MAP3K15: variants seen among roughly 807,000 people sequenced by gnomAD.
The protein encoded by MAP3K15 is mitogen-activated protein kinase kinase kinase 15.
A neutral mutation model predicts 99.5 loss-of-function variants in MAP3K15; 124 were observed. That is an observed-to-expected ratio of 1.25 (90% confidence interval 1.08 to 1.45). MAP3K15 has a LOEUF of 1.45. Among genes scored for constraint, MAP3K15 ranks in the 40% most tolerant of loss-of-function variants. The probability of loss-of-function intolerance (pLI) is 0.00; values close to 1 mark genes in which losing one functional copy is unlikely to be tolerated. For missense variants in MAP3K15, 1,242 were observed against 1,079.7 expected (o/e 1.15, Z -2.11); for synonymous variants, 494 against 439.6 (o/e 1.12, Z -1.55).
intron 1 of MAP3K15, among the ~76,000 whole-genome samples, chrX:19,501,835 G>A (rs1423936681): frequency 9.0e-6 from 1 of 111,205 alleles, no homozygotes; most frequent in Non-Finnish European, 1.9e-5. Flanking sequence ...GGAGGCTGAG[G>A]CAAGCAGATC....
chrX:19,479,924 C>CA (rs1240501153), intron 3 of MAP3K15, among the ~76,000 whole-genome samples: 2 of 112,347 alleles, frequency 1.8e-5, no homozygotes, highest in African/African-American at 6.5e-5. Flanking sequence ...ATTTTCAACT[C>CA]AATCAAATAC....
At position 19,474,651 on chromosome X, in the gene MAP3K15, A is replaced by ACC. The variant is rs1378517832; in HGVS notation, c.526-10247_526-10246dup. Among the ~76,000 whole-genome samples, 14 of 109,044 alleles carry ACC rather than the reference A, an allele frequency of 1.3e-4. No individual in the cohort carries two copies. In the Admixed American group the frequency reaches 1.4e-3, roughly 11 times the overall value. The allele number at this position is 109,044 out of a possible 115,157, so 94.7% of individuals were successfully genotyped here. On this transcript the variant is annotated intron_variant, in intron 3 of 28. Coordinates refer to ENST00000338883, the MANE Select transcript of MAP3K15 (RefSeq NM_001001671.4). Reference sequence around the variant, plus strand: ...CTCACTTAGGGAATGTAGGTAACATACCCTAGTAGTAGACTTGAGACTTGA... The same window carrying ACC: ...CTCACTTAGGGAATGTAGGTAACATACCCCCTAGTAGTAGACTTGAGACTTGA...
At chrX:19,447,863 G>A (rs747315129) in intron 6 of MAP3K15, among the ~76,000 whole-genome samples, 8 of 64,969 alleles carry the variant, frequency 1.2e-4, no homozygotes, top group African/African-American at 4.5e-4. Flanking sequence ...CAGCCTGGGC[G>A]ACAGAGCGAG....
intron 6 of MAP3K15, among the ~76,000 whole-genome samples, chrX:19,432,227 T>C (rs1452803463): frequency 9.0e-5 from 10 of 110,611 alleles, no homozygotes; most frequent in South Asian, 3.8e-4. Context: ...ATCAACTAAA[T>C]GCAACATACA....
At chrX:19,390,697 GTTTTT>G (rs201890885) in intron 18 of MAP3K15, among the ~76,000 whole-genome samples, 1 of 97,916 alleles carries the variant, frequency 1.0e-5, no homozygotes, top group Non-Finnish European at 2.1e-5. Context: ...TATGAAAGCT[GTTTTT>G]TTTTTTTTCT....
intron 18 of MAP3K15, among the ~76,000 whole-genome samples, chrX:19,385,963 ACT>A (rs1434772550): frequency 9.0e-6 from 1 of 111,504 alleles, no homozygotes; most frequent in Non-Finnish European, 1.9e-5. Context: ...GTAACCATCC[ACT>A]CTCAGAACAG....
intron 13 of MAP3K15, among the ~76,000 whole-genome samples, chrX:19,405,765 G>T (rs1314290366): frequency 8.9e-6 from 1 of 111,904 alleles, no homozygotes; most frequent in Non-Finnish European, 1.9e-5. Flanking sequence ...CTTTTAAACA[G>T]TTCAGAAAAA....
At chrX:19,494,090 C>T (rs1311178909) in intron 1 of MAP3K15, among the ~76,000 whole-genome samples, 3 of 110,441 alleles carry the variant, frequency 2.7e-5, no homozygotes, top group African/African-American at 9.9e-5. Context: ...AAAAAAAAAA[C>T]ACATATCATA....
At chrX:19,435,016 T>C (rs1400990313) in intron 6 of MAP3K15, among the ~76,000 whole-genome samples, 3 of 112,251 alleles carry the variant, frequency 2.7e-5, no homozygotes, top group Admixed American at 9.5e-5. Context: ...TGCACAGCCA[T>C]TGTATAATAT....
intron 19 of MAP3K15, among the ~76,000 whole-genome samples, chrX:19,379,450 T>C (rs1209810911): frequency 6.5e-5 from 6 of 92,613 alleles, no homozygotes; most frequent in Admixed American, 2.3e-4. Flanking sequence ...CCTTTTTTTT[T>C]TTTTTTTTTT....
In MAP3K15 at chrX:19,392,091, A is replaced by T; in HGVS notation, c.2342T>A (p.Val781Glu). The T allele has an allele frequency of 8.3e-7, 1 of 1,208,370 alleles. No homozygotes were observed. Among genetic ancestry groups the T allele is most frequent in the Middle Eastern group, 2.3e-4 (1 of 4,343 alleles). Residue 781 changes from valine (V) to glutamate (E), a missense_variant, in exon 18 of 29, where the codon GTG (valine) becomes GAG (glutamate). By Grantham distance (121) the Val-to-Glu change is moderately radical. Transcript: ENST00000338883. ...TTTCACCACTCCGCTGTAGGTGTTC[A>T]CCAGAACATTATCGCCCTTCGGAAA... ...HRDIKGDNVLVNTYSGVVKIS... is the reference protein window; with the variant it reads ...HRDIKGDNVLENTYSGVVKIS...
At chrX:19,488,778 A>C in intron 2 of MAP3K15, 50 bp downstream of exon 2, 1 of 1,138,190 alleles carries the variant, frequency 8.8e-7, no homozygotes, top group Non-Finnish European at 1.2e-6. Flanking sequence ...TAGACATATA[A>C]TTCTGCTTTC....
intron 1 of MAP3K15, among the ~76,000 whole-genome samples, chrX:19,514,332 G>A (rs1177486452): frequency 9.5e-6 from 1 of 105,499 alleles, no homozygotes; most frequent in Non-Finnish European, 1.9e-5. Flanking sequence ...GCAAAAGTTG[G>A]ATAACTTGGG....
rs748438103 is a variant in MAP3K15 at position 19,460,485 on chromosome X, C to T, written c.720-332G>A. 2.7e-5 allele frequency among the ~76,000 whole-genome samples: 3 copies of T among 112,179 alleles called. No individual in the cohort carries two copies. In the Admixed American group the frequency reaches 2.8e-4, roughly 11 times the overall value. On this transcript the variant is annotated intron_variant, in intron 4 of 28. Coordinates refer to ENST00000338883, the MANE Select transcript of MAP3K15 (RefSeq NM_001001671.4). ...CATATAGAGGGTGAGAAGTTACCTT[C>T]CTTGTGTATTTATTTTCGCCACTAG...
At chrX:19,409,860 A>G in intron 12 of MAP3K15, 64 bp downstream of exon 12, 1 of 882,367 alleles carries the variant, frequency 1.1e-6, no homozygotes, top group Non-Finnish European at 1.6e-6. Flanking sequence ...GAAACATTAA[A>G]GTGCATAAAA....
rs746639342 is a variant in MAP3K15, at chrX:19,368,119, T to G, written c.3566+935A>C. 2.7e-5 allele frequency among the ~76,000 whole-genome samples: 3 copies of G among 110,452 alleles called. No homozygotes were observed. In the South Asian group the frequency reaches 1.2e-3, roughly 42 times the overall value. On this transcript the variant is annotated intron_variant, in intron 25 of 28. Transcript: ENST00000338883. The stretch of plus-strand genomic sequence containing the variant: ...CTTCCCAGAGCAAACAGGAATAATT[T>G]TATTCATTTCACAAATATTTCTTCC...
rs1172151330 is a variant in MAP3K15, at chrX:19,452,352, AAGAGAAGAGAAGAGAAGAG to A, written c.995+4542_995+4560del. 3.5e-3 allele frequency among the ~76,000 whole-genome samples: 7 copies of A among 2,008 alleles called. 2 individuals carry two copies. Among genetic ancestry groups the A allele is most frequent in the Admixed American group, 0.019 (4 of 212 alleles). 1.7% of individuals were successfully genotyped at this position (2,008 alleles called of 115,157 possible). A position where few individuals can be genotyped will look rare whatever the true frequency, so the allele number is the denominator to read the frequency against. ...AGAGAAGAGAAGAGAAGAGAAGAGA[AAGAGAAGAGAAGAGAAGAG>A]AAGAGAGAAAAGAAAAGAGAAAAGA... On this transcript the variant is annotated intron_variant, in intron 6 of 28. Coordinates refer to ENST00000338883, the MANE Select transcript of MAP3K15 (RefSeq NM_001001671.4).
intron 9 of MAP3K15, among the ~76,000 whole-genome samples, chrX:19,417,150 A>G (rs758827637): frequency 8.9e-6 from 1 of 112,061 alleles, no homozygotes; most frequent in Admixed American, 9.4e-5. Flanking sequence ...CTGCATTTCC[A>G]ACTGAGGTAC....
intron 16 of MAP3K15, among the ~76,000 whole-genome samples, chrX:19,393,760 C>CT (rs761246318): frequency 0.029 from 1,736 of 60,205 alleles, 399 homozygotes; most frequent in East Asian, 0.19. Context: ...CTGCCTGGCT[C>CT]TTTTTTTTTT....
Sources: gnomAD v4.1 joint callset for allele counts (sites outside exome capture counted in the v4.1 genomes callset) on GRCh38, gnomAD v4.1.1 for gene constraint, MANE v1.5 for transcripts, NCBI Gene and HGNC (gene_info 2026-07-23, HGNC 2026-07-21) for gene names.